The following SRD5A1 variants were observed in gnomAD, a reference collection of about 807,000 sequenced individuals.
SRD5A1 encodes 3-oxo-5-alpha-steroid 4-dehydrogenase 1.
A neutral mutation model predicts 28.2 loss-of-function variants in SRD5A1; 22 were observed. That is an observed-to-expected ratio of 0.78 (90% CI 0.56 to 1.12). The LOEUF (loss-of-function observed/expected upper bound fraction) is 1.12. SRD5A1 is among the 50% of genes most tolerant of loss of function. SRD5A1 has a pLI of 0.00. For synonymous variants in SRD5A1, 151 were observed against 135.0 expected (o/e 1.12, Z -0.82); for missense variants, 300 against 346.7 (o/e 0.87, Z 1.07).
chr5:6,636,790 C>T (rs770076135), intron 1 of SRD5A1, among the ~76,000 whole-genome samples: 1 of 152,086 alleles, frequency 6.6e-6, no homozygotes, highest in Non-Finnish European at 1.5e-5. Flanking sequence ...CTGGACCTGG[C>T]GTTGTGCTGG....
chr5:6,647,593 C>A (rs927925616), intron 1 of SRD5A1, among the ~76,000 whole-genome samples: 1 of 152,072 alleles, frequency 6.6e-6, no homozygotes, highest in Non-Finnish European at 1.5e-5. Context: ...GGATTGCAAC[C>A]CCTGCTTTTT....
chr5:6,661,048 C>G (rs248798), intron 3 of SRD5A1, among the ~76,000 whole-genome samples: 96,778 of 152,036 alleles, frequency 0.64, 32,515 homozygotes, highest in African/African-American at 0.86. Flanking sequence ...GGGGATCACA[C>G]TTCAAGATGA....
At chr5:6,637,029 G>A (rs1738203804) in intron 1 of SRD5A1, among the ~76,000 whole-genome samples, 1 of 152,100 alleles carries the variant, frequency 6.6e-6, no homozygotes, top group African/African-American at 2.4e-5. Context: ...TCACGGTAGC[G>A]ACAAGGATTG....
At chr5:6,656,046 G>A in intron 2 of SRD5A1, 32 bp from the exon 3 acceptor site, 2 of 1,554,940 alleles carry the variant, frequency 1.3e-6, no homozygotes, top group Non-Finnish European at 1.8e-6. Flanking sequence ...CGGTTTATTA[G>A]CCATAATCAT....
chr5:6,653,529 A>C (rs889375156), intron 2 of SRD5A1: 2 of 152,200 alleles, frequency 1.3e-5, no homozygotes, highest in East Asian at 3.8e-4. Flanking sequence ...GGATGTCCCT[A>C]AGATGTGAAA....
At chr5:6,652,158 C>A in intron 2 of SRD5A1, 150 bp downstream of exon 2, 1 of 859,276 alleles carries the variant, frequency 1.2e-6, no homozygotes, top group Non-Finnish European at 1.7e-6. Flanking sequence ...TGGGAGAGCC[C>A]AGCTGTCTCA....
chr5:6,666,727 G>C (rs980614222), intron 4 of SRD5A1, among the ~76,000 whole-genome samples: 1 of 152,062 alleles, frequency 6.6e-6, no homozygotes, highest in African/African-American at 2.4e-5. Context: ...TCCCTTCATT[G>C]TGTGAGAACA....
chr5:6,646,076 T>C (rs1214233049), intron 1 of SRD5A1, among the ~76,000 whole-genome samples: 4 of 152,182 alleles, frequency 2.6e-5, no homozygotes, highest in Non-Finnish European at 5.9e-5. Context: ...CTCCCACTTA[T>C]GAGTGAAGAC....
At chr5:6,645,952 G>A (rs1254940731) in intron 1 of SRD5A1, among the ~76,000 whole-genome samples, 6 of 152,080 alleles carry the variant, frequency 3.9e-5, no homozygotes, top group South Asian at 2.1e-4. Flanking sequence ...CCATTAACCC[G>A]TGATCTGCAT....
chr5:6,649,508 A>T (rs1738604245), intron 1 of SRD5A1, among the ~76,000 whole-genome samples: 1 of 152,236 alleles, frequency 6.6e-6, no homozygotes. Context: ...TGGAGCAGCG[A>T]GAATTTCAAG....
At chr5:6,654,492 G>A (rs955167558) in intron 2 of SRD5A1, among the ~76,000 whole-genome samples, 4 of 152,152 alleles carry the variant, frequency 2.6e-5, no homozygotes, top group Admixed American at 6.5e-5. Flanking sequence ...GGAGTGCAGT[G>A]GCGTGATCTT....
intron 2 of SRD5A1, among the ~76,000 whole-genome samples, chr5:6,652,571 G>C (rs941806328): frequency 6.6e-6 from 1 of 152,208 alleles, no homozygotes. Context: ...ATTTGCAAGA[G>C]CATTAAAAAT....
At chr5:6,642,267 G>A (rs1738387645) in intron 1 of SRD5A1, among the ~76,000 whole-genome samples, 1 of 152,108 alleles carries the variant, frequency 6.6e-6, no homozygotes, top group Admixed American at 6.5e-5. Flanking sequence ...ATAAATGGAA[G>A]CGTTGACATC....
chr5:6,656,035 A>G (rs1302868511), intron 2 of SRD5A1, 43 bp from the exon 3 acceptor site: 2 of 1,465,630 alleles, frequency 1.4e-6, no homozygotes, highest in Non-Finnish European at 1.9e-6. Context: ...GTGAAATTTT[A>G]CGGTTTATTA....
At chr5:6,635,635 G>A (rs1738161815) in intron 1 of SRD5A1, among the ~76,000 whole-genome samples, 1 of 152,216 alleles carries the variant, frequency 6.6e-6, no homozygotes, top group Admixed American at 6.5e-5. Flanking sequence ...TGCGTGCTCA[G>A]TACACAATAC....
chr5:6,649,278 G>A (rs1193916918), intron 1 of SRD5A1, among the ~76,000 whole-genome samples: 4 of 152,202 alleles, frequency 2.6e-5, no homozygotes, highest in African/African-American at 9.7e-5. Flanking sequence ...TCTCTTCAGA[G>A]CTGTCAGGCA....
At chr5:6,643,303 CTTTT>C (rs1738417454) in intron 1 of SRD5A1, among the ~76,000 whole-genome samples, 1 of 151,978 alleles carries the variant, frequency 6.6e-6, no homozygotes, top group African/African-American at 2.4e-5. Flanking sequence ...CTTGCTTTTT[CTTTT>C]TTAATTATTA....
intron 4 of SRD5A1, among the ~76,000 whole-genome samples, chr5:6,664,299 G>A (rs894301752): frequency 2.6e-5 from 4 of 152,230 alleles, no homozygotes; most frequent in Non-Finnish European, 5.9e-5. Flanking sequence ...ATATGGTATA[G>A]TGGGAAGAGT....
intron 1 of SRD5A1, among the ~76,000 whole-genome samples, chr5:6,639,272 A>G (rs1440077959): frequency 1.3e-5 from 2 of 152,244 alleles, no homozygotes; most frequent in Non-Finnish European, 2.9e-5. Context: ...CATTCCAAGT[A>G]GTTGCTTGCA....
Sources: allele counts gnomAD v4.1 joint callset (sites outside exome capture counted in the v4.1 genomes callset), GRCh38; gene constraint gnomAD v4.1.1; transcripts MANE v1.5; gene names NCBI Gene and HGNC (gene_info 2026-07-23, HGNC 2026-07-21).